AAGAB: variants seen among roughly 807,000 people sequenced by gnomAD.
AAGAB encodes alpha- and gamma-adaptin-binding protein p34.
In AAGAB, 38 loss-of-function variants were observed where a neutral mutation model predicts 44.1. That is an observed-to-expected ratio of 0.86 (90% confidence interval 0.67 to 1.13). The LOEUF is 1.13. Among genes scored for constraint, AAGAB ranks in the 50% most tolerant of loss-of-function variants. AAGAB has a pLI of 0.00. For missense variants in AAGAB, 450 were observed against 373.8 expected (o/e 1.20, Z -1.68); for synonymous variants, 131 against 131.8 (o/e 0.99, Z 0.04).
At chr15:67,229,001 G>A (rs999597579) in intron 5 of AAGAB, among the ~76,000 whole-genome samples, 1 of 152,140 alleles carries the variant, frequency 6.6e-6, no homozygotes, top group African/African-American at 2.4e-5. Context: ...TAGGAGGAGG[G>A]TGAGGGTTGA....
At chr15:67,253,786 T>C (rs1303374829) in intron 1 of AAGAB, among the ~76,000 whole-genome samples, 2 of 150,082 alleles carry the variant, frequency 1.3e-5, no homozygotes, top group South Asian at 4.2e-4. Context: ...AAGGAAGGAA[T>C]GTAGGTAGGT....
At chr15:67,230,807 CT>C (rs1964317150) in intron 5 of AAGAB, among the ~76,000 whole-genome samples, 1 of 152,166 alleles carries the variant, frequency 6.6e-6, no homozygotes, top group African/African-American at 2.4e-5. Flanking sequence ...CAGCACCTCA[CT>C]CTTGAACTGC....
chr15:67,222,222 GCA>G (rs1567020809), intron 5 of AAGAB, among the ~76,000 whole-genome samples: 57 of 113,930 alleles, frequency 5.0e-4, no homozygotes, highest in African/African-American at 1.9e-3. Context: ...CTACATGCAT[GCA>G]CGCGCACGCG....
chr15:67,250,766 C>T (rs984131474), intron 1 of AAGAB, among the ~76,000 whole-genome samples: 2 of 152,132 alleles, frequency 1.3e-5, no homozygotes, highest in Non-Finnish European at 2.9e-5. Context: ...GTGGCTCATG[C>T]TTGTAATCCC....
At chr15:67,235,117 C>A (rs1016961377) in intron 4 of AAGAB, among the ~76,000 whole-genome samples, 2 of 152,172 alleles carry the variant, frequency 1.3e-5, no homozygotes, top group Admixed American at 6.5e-5. Context: ...ACAATGCCAC[C>A]TCTCCAGCAG....
chr15:67,232,668 G>C, intron 4 of AAGAB: 1 of 294,740 alleles, frequency 3.4e-6, no homozygotes, highest in Non-Finnish European at 7.0e-6. Flanking sequence ...CATAATTTAC[G>C]ATTCCTTGGA....
intron 1 of AAGAB, among the ~76,000 whole-genome samples, chr15:67,241,910 C>A (rs1964608847): frequency 6.6e-6 from 1 of 152,130 alleles, no homozygotes; most frequent in African/African-American, 2.4e-5. Context: ...CCCCAGACCA[C>A]CCCCTAAAAT....
chr15:67,239,697 T>C (rs761341950), intron 1 of AAGAB, among the ~76,000 whole-genome samples: 2 of 152,208 alleles, frequency 1.3e-5, no homozygotes, highest in African/African-American at 4.8e-5. Context: ...AGGGAGAGAA[T>C]AGTAAAGACT....
intron 5 of AAGAB, chr15:67,220,676 T>TTTC (rs1478632158): frequency 1.3e-5 from 2 of 152,192 alleles, no homozygotes; most frequent in Non-Finnish European, 1.5e-5. Flanking sequence ...CACAAGAACA[T>TTTC]GTAATCTGGG....
intron 1 of AAGAB, among the ~76,000 whole-genome samples, chr15:67,241,040 TAC>T (rs10525823): frequency 0.033 from 4,859 of 147,152 alleles, 208 homozygotes; most frequent in East Asian, 0.11. Context: ...TCTGTTCTCC[TAC>T]ACACACACAC....
rs149575101 is a variant in AAGAB, at chr15:67,218,917, T to C, written c.536-9373A>G. ...TAAGGAAATTTAAGAAAAGACGGTA[T>C]AGACAAGGAAAATTTCTATGACTGG... On this transcript the variant is annotated intron_variant, in intron 5 of 9. Transcript: ENST00000261880. Among the ~76,000 whole-genome samples, 1,332 of 152,288 alleles carry C rather than the reference T, an allele frequency of 8.7e-3. 18 individuals are homozygous for C. Among genetic ancestry groups the C allele is most frequent in the African/African-American group, 0.029 (1,202 of 41,554 alleles).
chr15:67,231,793 C>G, intron 5 of AAGAB, 21 bp downstream of exon 5: 10 of 1,581,738 alleles, frequency 6.3e-6, no homozygotes, highest in Non-Finnish European at 8.7e-6. Context: ...AAAAAAATGA[C>G]TTGAGTCCCA....
intron 1 of AAGAB, among the ~76,000 whole-genome samples, chr15:67,245,363 G>A (rs574349917): frequency 4.6e-5 from 7 of 152,178 alleles, no homozygotes; most frequent in Admixed American, 2.0e-4. Context: ...ATTATGCTAC[G>A]TGAAAGAAGC....
intron 7 of AAGAB, among the ~76,000 whole-genome samples, chr15:67,207,844 TATAC>T (rs1963720080): frequency 9.7e-6 from 1 of 103,084 alleles, no homozygotes; most frequent in Non-Finnish European, 2.3e-5. Context: ...GAAAAAAAAT[TATAC>T]ATAATTTTTT....
intron 7 of AAGAB, among the ~76,000 whole-genome samples, chr15:67,205,810 TAA>T (rs1223540210): frequency 6.6e-6 from 1 of 152,054 alleles, no homozygotes; most frequent in Non-Finnish European, 1.5e-5. Flanking sequence ...ACAAGTTTAG[TAA>T]AGAGATAAGG....
intron 1 of AAGAB, among the ~76,000 whole-genome samples, chr15:67,238,415 G>A (rs1287349168): frequency 2.0e-5 from 3 of 152,130 alleles, no homozygotes; most frequent in Non-Finnish European, 2.9e-5. Flanking sequence ...AGGAGAAACA[G>A]GTAAGTTATT....
chr15:67,247,292 T>G (rs1964750542), intron 1 of AAGAB, among the ~76,000 whole-genome samples: 1 of 152,194 alleles, frequency 6.6e-6, no homozygotes, highest in African/African-American at 2.4e-5. Context: ...AGACACACCT[T>G]GACCTTACAA....
chr15:67,203,231 A>G (rs1351575940), intron 9 of AAGAB, among the ~76,000 whole-genome samples: 1 of 152,202 alleles, frequency 6.6e-6, no homozygotes, highest in Non-Finnish European at 1.5e-5. Flanking sequence ...CAACCATACA[A>G]GTTTCCTGCC....
At chr15:67,255,189 A>AGT, upstream of AAGAB, 2 of 574,458 alleles carry the variant, frequency 3.5e-6, no homozygotes, top group Non-Finnish European at 3.1e-6. Flanking sequence ...AAAACTCTAA[A>AGT]ACCGTTCACC....
Sources: allele counts gnomAD v4.1 joint callset (sites outside exome capture counted in the v4.1 genomes callset), GRCh38; gene constraint gnomAD v4.1.1; transcripts MANE v1.5; gene names NCBI Gene and HGNC (gene_info 2026-07-23, HGNC 2026-07-21).